BACE2: variants seen among roughly 807,000 people sequenced by gnomAD.
BACE2 encodes the protein 56 kDa aspartic-like protease.
In BACE2, 17 loss-of-function variants were observed where a neutral mutation model predicts 46.2. The observed-to-expected ratio is 0.37, with a 90% CI of 0.25 to 0.55. BACE2 has a LOEUF of 0.55. Ranked by LOEUF, BACE2 falls within the 20% of genes least tolerant of loss-of-function variation. BACE2 has a pLI of 0.82. For synonymous variants in BACE2, 277 were observed against 295.9 expected (o/e 0.94, Z 0.66); for missense variants, 595 against 698.1 (o/e 0.85, Z 1.66).
Position 41,228,695 on chromosome 21 carries a change from C to T in BACE2, c.401+2341C>T, listed in dbSNP as rs149934669. Among the ~76,000 whole-genome samples the T allele has an allele frequency of 2.1e-3, 315 of 152,300 alleles. 1 individual carries two copies. The South Asian group carries it at 0.023, about 11-fold the overall frequency. ...ATTCTTGAGAGATCCGACCTCACTA[C>T]GCAAACACTTTCCACCAGGCCCCAC... On this transcript the variant is annotated intron_variant, in intron 2 of 8. Coordinates refer to ENST00000330333, the MANE Select transcript of BACE2 (RefSeq NM_012105.5).
chr21:41,185,433 A>G (rs1568859828), intron 1 of BACE2, among the ~76,000 whole-genome samples: 1 of 152,194 alleles, frequency 6.6e-6, no homozygotes. Context: ...CTTGTCTACC[A>G]CTGTAGGTGG....
At chr21:41,270,308 A>G (rs1051928309) in intron 8 of BACE2, among the ~76,000 whole-genome samples, 3 of 152,182 alleles carry the variant, frequency 2.0e-5, no homozygotes, top group Non-Finnish European at 4.4e-5. Context: ...TCTATTAAAG[A>G]GGAGCAGTTC....
At position 41,168,373 on chromosome 21, in the gene BACE2, C is replaced by G. The variant is rs2123477624; in HGVS notation, c.110C>G (p.Ala37Gly). 7.2e-7 allele frequency: 1 copy of G among 1,397,344 alleles called. No individual in the cohort carries two copies. The highest frequency in any genetic ancestry group is 1.5e-5 in the African/African-American group (1 of 65,994). The allele number at this position is 1,397,344 out of a possible 1,614,324, so 86.6% of individuals were successfully genotyped here. The change falls in exon 1 of 9, where the codon GCG (alanine) becomes GGG (glycine). Residue 37 changes from alanine to glycine, a missense_variant. Around this residue, in one of 3 missense-constraint regions of BACE2, gnomAD observed 248 missense variants for 261.4 expected, o/e 0.95. Coordinates refer to ENST00000330333, the MANE Select transcript of BACE2 (RefSeq NM_012105.5). ...TTCACGCTGCCCCTCCGGGTGGCCG[C>G]GGCCACGAACCGCGTAGTTGCGCCC... Reference protein sequence around the residue: ...APFTLPLRVAAATNRVVAPTP... With the variant: ...APFTLPLRVAGATNRVVAPTP...
At chr21:41,186,333 G>C (rs1487535755) in intron 1 of BACE2, 1 of 152,306 alleles carries the variant, frequency 6.6e-6, no homozygotes, top group African/African-American at 2.4e-5. Flanking sequence ...TGTCCACTCA[G>C]TTTCACCACC....
intron 3 of BACE2, among the ~76,000 whole-genome samples, chr21:41,239,690 T>C (rs1469916294): frequency 1.3e-5 from 2 of 152,224 alleles, no homozygotes; most frequent in African/African-American, 4.8e-5. Context: ...TTCCCCCCAT[T>C]TTCAAGATGT....
At chr21:41,262,815 G>A (rs1367297219) in intron 8 of BACE2, among the ~76,000 whole-genome samples, 1 of 152,064 alleles carries the variant, frequency 6.6e-6, no homozygotes, top group East Asian at 1.9e-4. Context: ...GGGAATATGG[G>A]TATGCAATTT....
chr21:41,270,169 A>G (rs68087522), intron 8 of BACE2, among the ~76,000 whole-genome samples: 14,977 of 152,082 alleles, frequency 0.098, 766 homozygotes, highest in East Asian at 0.15. Flanking sequence ...GTTCTTGCCC[A>G]TTTTTGTATA....
intron 1 of BACE2, among the ~76,000 whole-genome samples, chr21:41,173,413 A>G (rs917490696): frequency 2.0e-5 from 3 of 152,144 alleles, no homozygotes; most frequent in Non-Finnish European, 4.4e-5. Flanking sequence ...GTACTTCTGT[A>G]TTGTTTTTCC....
At chr21:41,253,604 G>A (rs140359817) in intron 7 of BACE2, among the ~76,000 whole-genome samples, 2,669 of 152,208 alleles carry the variant, frequency 0.018, 38 homozygotes, top group Non-Finnish European at 0.029. Context: ...CCAAGGACTC[G>A]TAAGAAGCAG....
intron 7 of BACE2, among the ~76,000 whole-genome samples, chr21:41,252,690 T>C (rs776847817): frequency 6.6e-6 from 1 of 152,202 alleles, no homozygotes; most frequent in Non-Finnish European, 1.5e-5. Flanking sequence ...TCAGAACTGT[T>C]TGTGGAATGG....
At chr21:41,256,131 T>G (rs1244257385) in intron 7 of BACE2, among the ~76,000 whole-genome samples, 4 of 152,140 alleles carry the variant, frequency 2.6e-5, no homozygotes, top group African/African-American at 9.7e-5. Flanking sequence ...GGGGTACATG[T>G]GCAGAATGTG....
intron 8 of BACE2, among the ~76,000 whole-genome samples, chr21:41,259,918 AC>A (rs1987889056): frequency 6.7e-6 from 1 of 148,996 alleles, no homozygotes; most frequent in Non-Finnish European, 1.5e-5. Flanking sequence ...CTTTAGCCCA[AC>A]CTCCCTGGTT....
chr21:41,239,361 C>A (rs1987225575), intron 3 of BACE2, among the ~76,000 whole-genome samples: 3 of 152,004 alleles, frequency 2.0e-5, no homozygotes. Context: ...CATATTCTCC[C>A]CATTTTCTTT....
intron 5 of BACE2, among the ~76,000 whole-genome samples, chr21:41,244,951 T>C (rs918874352): frequency 2.0e-5 from 3 of 151,938 alleles, no homozygotes; most frequent in African/African-American, 7.3e-5. Context: ...GATTCTTAGA[T>C]TCTAGGTTCT....
At chr21:41,223,145 G>A (rs959262505) in intron 1 of BACE2, among the ~76,000 whole-genome samples, 5 of 152,040 alleles carry the variant, frequency 3.3e-5, no homozygotes, top group African/African-American at 7.2e-5. Context: ...CTTGAGCCCG[G>A]GAGTTCAAGA....
At position 41,279,255 on chromosome 21, in the gene BACE2, A is replaced by G. The variant is rs898167776; in HGVS notation, c.*3631A>G. 1.3e-5 allele frequency: 2 copies of G among 152,208 alleles called. No individual in the cohort carries two copies. The highest frequency in any genetic ancestry group is 4.8e-5 in the African/African-American group (2 of 41,454). The allele number at this position is 152,208 out of a possible 1,614,324, so 9.4% of individuals were successfully genotyped here. ...TGAGAGGGGTAGAAAGAATAAGAAT[A>G]TAATTAAAAGTATGCTAACAAAATA... On this transcript the variant is annotated 3_prime_UTR_variant, in exon 9 of 9. Coordinates refer to ENST00000330333, the MANE Select transcript of BACE2 (RefSeq NM_012105.5).
chr21:41,267,701 C>T (rs2123645520), intron 8 of BACE2, among the ~76,000 whole-genome samples: 1 of 152,232 alleles, frequency 6.6e-6, no homozygotes, highest in South Asian at 2.1e-4. Flanking sequence ...CCAGGGGACC[C>T]CAAAGGTGTA....
intron 2 of BACE2, among the ~76,000 whole-genome samples, chr21:41,233,800 A>G (rs1447715969): frequency 6.6e-6 from 1 of 152,172 alleles, no homozygotes; most frequent in Non-Finnish European, 1.5e-5. Context: ...ATCTCTACTA[A>G]AAATACAAAA....
intron 6 of BACE2, among the ~76,000 whole-genome samples, chr21:41,247,869 G>T (rs1043074286): frequency 1.3e-5 from 2 of 152,210 alleles, no homozygotes; most frequent in Non-Finnish European, 2.9e-5. Context: ...TTGTGTGTCT[G>T]GCTTACCGTC....
Sources: gnomAD v4.1 joint callset for allele counts (sites outside exome capture counted in the v4.1 genomes callset) on GRCh38, gnomAD v4.1.1 for gene constraint, gnomAD v4.1.1 regional missense constraint, MANE v1.5 for transcripts, NCBI Gene and HGNC (gene_info 2026-07-23, HGNC 2026-07-21) for gene names.